Variants in ZDHHC13 observed in about 807,000 individuals in gnomAD.
ZDHHC13 encodes zDHHC palmitoyltransferase 13.
In ZDHHC13, 85 loss-of-function variants were observed where a neutral mutation model predicts 86.0. That is an observed-to-expected ratio of 0.99 (90% CI 0.83 to 1.18). ZDHHC13 has a LOEUF of 1.18. ZDHHC13 is among the 50% of genes most tolerant of loss of function. The probability of loss-of-function intolerance (pLI) is 0.00; values close to 1 mark genes in which losing one functional copy is unlikely to be tolerated. For missense variants in ZDHHC13, 711 were observed against 730.2 expected (o/e 0.97, Z 0.30); for synonymous variants, 263 against 246.4 (o/e 1.07, Z -0.63).
chr11:19,135,935 T>G (rs1849126456), intron 1 of ZDHHC13, among the ~76,000 whole-genome samples: 1 of 151,612 alleles, frequency 6.6e-6, no homozygotes, highest in Non-Finnish European at 1.5e-5. Context: ...ATCACCATCA[T>G]CAAAGACCAA....
rs199727580 is a variant in ZDHHC13 at position 19,137,223 on chromosome 11, T to C, written c.28-5755T>C. ...CTCAAAATAAAAGGATGGAGGAAGA[T>C]CTACCAAGCAAATGGAAAACAAAAA... On this transcript the variant is annotated intron_variant, in intron 1 of 16. Transcript: ENST00000446113. Among the ~76,000 whole-genome samples the C allele has an allele frequency of 6.4e-3, 969 of 151,790 alleles. 5 individuals carry two copies. Among genetic ancestry groups the C allele is most frequent in the East Asian group, 0.041 (213 of 5,168 alleles).
intron 1 of ZDHHC13, among the ~76,000 whole-genome samples, chr11:19,120,849 G>A (rs1848746550): frequency 6.6e-6 from 1 of 152,062 alleles, no homozygotes; most frequent in Non-Finnish European, 1.5e-5. Flanking sequence ...GGAATCCTAG[G>A]AAGACGAGAG....
chr11:19,170,675 T>A (rs1248123632), intron 15 of ZDHHC13, 107 bp downstream of exon 15: 7 of 1,088,520 alleles, frequency 6.4e-6, no homozygotes, highest in African/African-American at 1.6e-5. Context: ...TTTACCTCTG[T>A]CACTGACTCT....
intron 1 of ZDHHC13, among the ~76,000 whole-genome samples, chr11:19,125,087 A>G (rs1286024185): frequency 6.6e-6 from 1 of 152,184 alleles, no homozygotes; most frequent in Non-Finnish European, 1.5e-5. Flanking sequence ...CGTGACACCA[A>G]AAGCACAATC....
At chr11:19,150,827 G>A in intron 6 of ZDHHC13, 36 bp downstream of exon 6, 1 of 1,575,808 alleles carries the variant, frequency 6.3e-7, no homozygotes. Context: ...CTCATTCTTG[G>A]TTCCAACTAT....
chr11:19,132,917 A>C (rs772922761), intron 1 of ZDHHC13, among the ~76,000 whole-genome samples: 36 of 152,300 alleles, frequency 2.4e-4, no homozygotes, highest in Non-Finnish European at 5.0e-4. Flanking sequence ...TTATCCCATC[A>C]TGCACAGAAG....
At chr11:19,130,596 C>T (rs993401316) in intron 1 of ZDHHC13, among the ~76,000 whole-genome samples, 8 of 152,084 alleles carry the variant, frequency 5.3e-5, no homozygotes, top group Admixed American at 4.6e-4. Context: ...GTATCCACTT[C>T]GAGTTTAATT....
intron 1 of ZDHHC13, among the ~76,000 whole-genome samples, chr11:19,141,598 G>T (rs1267422465): frequency 6.6e-6 from 1 of 151,664 alleles, no homozygotes; most frequent in African/African-American, 2.4e-5. Context: ...GAACCCAAAA[G>T]GCTGTAGTAA....
chr11:19,123,819 G>A (rs1425902285), intron 1 of ZDHHC13, among the ~76,000 whole-genome samples: 1 of 152,124 alleles, frequency 6.6e-6, no homozygotes, highest in East Asian at 1.9e-4. Context: ...AGACTCATTA[G>A]CAACTAGGGG....
At chr11:19,152,055 A>G (rs1025129683) in intron 6 of ZDHHC13, 103 bp from the exon 7 acceptor site, 1 of 1,247,064 alleles carries the variant, frequency 8.0e-7, no homozygotes, top group Non-Finnish European at 1.1e-6. Flanking sequence ...ACTTAACTGA[A>G]TGGTTAATTG....
chr11:19,175,162 G>A (rs1204922878), intron 16 of ZDHHC13, among the ~76,000 whole-genome samples: 1 of 151,934 alleles, frequency 6.6e-6, no homozygotes, highest in Non-Finnish European at 1.5e-5. Context: ...GCTGAGGTGG[G>A]CGGATCACGA....
chr11:19,165,141 C>T lies in ZDHHC13; in HGVS notation c.1386C>T (p.Cys462=). 1 of 1,610,754 alleles carries T rather than the reference C, an allele frequency of 6.2e-7. No individual in the cohort carries two copies. Among genetic ancestry groups the T allele is most frequent in the Non-Finnish European group, 8.5e-7 (1 of 1,178,438 alleles). ...YDQHCLWTGR[C]IGFGNHHYYI... is the part of the protein sequence containing the mutation. ...AACACTGCCTGTGGACTGGACGGTG[C>T]ATAGGTGAGAGATTTAATTTTTCAA... Residue 462 remains cysteine (C), a synonymous_variant, in exon 13 of 17, where the codon TGC becomes TGT. Transcript: ENST00000446113.
chr11:19,139,565 T>A (rs1849247584), intron 1 of ZDHHC13, among the ~76,000 whole-genome samples: 1 of 147,028 alleles, frequency 6.8e-6, no homozygotes, highest in African/African-American at 2.5e-5. Flanking sequence ...AAAAAACTAC[T>A]TTAAAGTTCA....
At position 19,166,367 on chromosome 11, in the gene ZDHHC13, A is replaced by G; in HGVS notation, c.1456A>G (p.Ile486Val). The change falls in exon 14 of 17, where the codon ATA (isoleucine) becomes GTA (valine). Residue 486 changes from isoleucine to valine, a missense_variant. Physicochemically the swap from Ile to Val is conservative, Grantham distance 29. Transcript: ENST00000446113. ...FFLSMVCGWI[I>V]YGSFIYLSSH... The stretch of plus-strand genomic sequence containing the variant: ...CCTTTCCATGGTATGTGGCTGGATT[A>G]TATATGGATCTTTCATCTGTAAGTG... 6.2e-7 allele frequency: 1 copy of G among 1,612,148 alleles called. No homozygotes were observed. Among genetic ancestry groups the G allele is most frequent in the South Asian group, 1.1e-5 (1 of 90,796 alleles).
chr11:19,160,037 G>A (rs756100560), intron 10 of ZDHHC13, among the ~76,000 whole-genome samples: 7 of 151,898 alleles, frequency 4.6e-5, no homozygotes, highest in Non-Finnish European at 7.4e-5. Flanking sequence ...TAGCATTTCC[G>A]AAAAGAAAGA....
chr11:19,141,127 C>A (rs887466207), intron 1 of ZDHHC13, among the ~76,000 whole-genome samples: 1 of 150,822 alleles, frequency 6.6e-6, no homozygotes, highest in Non-Finnish European at 1.5e-5. Context: ...TTTAAGGTAT[C>A]ATTTCTTTAG....
chr11:19,170,606 T>C (rs1012236675), intron 15 of ZDHHC13, 38 bp downstream of exon 15: 2 of 1,486,772 alleles, frequency 1.3e-6, no homozygotes, highest in African/African-American at 1.4e-5. Flanking sequence ...TTGAGTAAAA[T>C]TTCTAAAACT....
At chr11:19,169,244 C>G in intron 14 of ZDHHC13, 1 of 985,356 alleles carries the variant, frequency 1.0e-6, no homozygotes, top group Non-Finnish European at 1.2e-6. Context: ...AAATTATATT[C>G]TTTTTTGTGA....
At chr11:19,163,095 A>T (rs1164423846) in intron 10 of ZDHHC13, among the ~76,000 whole-genome samples, 1 of 152,128 alleles carries the variant, frequency 6.6e-6, no homozygotes. Context: ...ATTTAATATG[A>T]GCTTCAACTA....
Sources: allele counts gnomAD v4.1 joint callset (sites outside exome capture counted in the v4.1 genomes callset), GRCh38; gene constraint gnomAD v4.1.1; transcripts MANE v1.5; gene names NCBI Gene and HGNC (gene_info 2026-07-23, HGNC 2026-07-21).